NT5DC3: variants seen among roughly 807,000 people sequenced by gnomAD.
The protein encoded by NT5DC3 is 5'-nucleotidase domain containing 3.
In NT5DC3, 42 loss-of-function variants were observed where a neutral mutation model predicts 67.8. The observed-to-expected ratio is 0.62, with a 90% CI of 0.48 to 0.80. The LOEUF (loss-of-function observed/expected upper bound fraction) is 0.80. NT5DC3 is among the 30% of genes least tolerant of loss of function. The probability of loss-of-function intolerance (pLI) is 0.00; values close to 1 mark genes in which losing one functional copy is unlikely to be tolerated. For synonymous variants in NT5DC3, 237 were observed against 255.6 expected (o/e 0.93, Z 0.69); for missense variants, 570 against 696.4 (o/e 0.82, Z 2.04).
intron 1 of NT5DC3, among the ~76,000 whole-genome samples, chr12:103,827,053 G>T (rs1298092775): frequency 1.3e-5 from 2 of 152,126 alleles, no homozygotes; most frequent in Non-Finnish European, 2.9e-5. Flanking sequence ...AGACCAGCCT[G>T]GCCAACATGG....
intron 6 of NT5DC3, among the ~76,000 whole-genome samples, chr12:103,794,852 C>T (rs937578276): frequency 6.6e-6 from 1 of 152,136 alleles, no homozygotes; most frequent in African/African-American, 2.4e-5. Context: ...GTGGTTAAAC[C>T]CTTTGTGGGT....
At chr12:103,781,499 G>A (rs147932095) in intron 12 of NT5DC3, among the ~76,000 whole-genome samples, 242 of 152,306 alleles carry the variant, frequency 1.6e-3, no homozygotes, top group African/African-American at 5.7e-3. Flanking sequence ...GGGGCGCCCT[G>A]CTGGCTGCCC....
chr12:103,761,371 T>C, the NT5DC3 span: 1 of 1,613,870 alleles, frequency 6.2e-7, no homozygotes, highest in Non-Finnish European at 8.5e-7. Context: ...GGATCATTCA[T>C]GTCATTTCCA....
rs1439363781 is a variant in NT5DC3, at chr12:103,793,919, A to G, written c.814+18T>C. On this transcript the variant is annotated intron_variant, in intron 7 of 13. Transcript: ENST00000392876. ...CAGAAAGGCTGAAACTCTCTTCGTG[A>G]TACTGCTGAGCACATACCAATGTCT... is the stretch of plus-strand genomic sequence containing the variant. The G allele has an allele frequency of 1.8e-5, 29 of 1,594,988 alleles. No homozygotes were observed. The highest frequency in any genetic ancestry group is 2.3e-5 in the Non-Finnish European group (27 of 1,163,162).
chr12:103,763,915 AATTCTGCTGC>A, the NT5DC3 span: 2 of 234,674 alleles, frequency 8.5e-6, no homozygotes, highest in African/African-American at 4.5e-5. Flanking sequence ...TCTTGGGCTG[AATTCTGCTGC>A]AATCATTTAT....
At chr12:103,823,642 T>G (rs1887576799) in intron 1 of NT5DC3, among the ~76,000 whole-genome samples, 1 of 152,198 alleles carries the variant, frequency 6.6e-6, no homozygotes, top group African/African-American at 2.4e-5. Context: ...GATTTCATAT[T>G]TATTTAACAT....
In NT5DC3 at chr12:103,794,148, C is replaced by CTTTTTTTTTTTTTTTTTTTTTT. The variant is rs766607290; in HGVS notation, c.754-152_754-151insAAAAAAAAAAAAAAAAAAAAAA. 6.5e-6 allele frequency: 3 copies of CTTTTTTTTTTTTTTTTTTTTTT among 462,632 alleles called. 1 individual carries two copies. The highest frequency in any genetic ancestry group is 7.5e-6 in the Non-Finnish European group (2 of 265,706). The allele number at this position is 462,632 out of a possible 1,614,324, so 28.7% of individuals were successfully genotyped here. A position where few individuals can be genotyped will look rare whatever the true frequency, so the allele number is the denominator to read the frequency against. On this transcript the variant is annotated intron_variant, in intron 6 of 13. Transcript: ENST00000392876. ...AATCTAAATTCTGGTCCATTTTCTTCTTCTTTTTTTTTTTTTTTTGAGACA... is the reference window on the plus strand; with the variant it reads ...AATCTAAATTCTGGTCCATTTTCTTCTTTTTTTTTTTTTTTTTTTTTTTTCTTTTTTTTTTTTTTTTGAGACA...
downstream of NT5DC3, among the ~76,000 whole-genome samples, chr12:103,771,949 C>T (rs1341647019): frequency 6.6e-6 from 1 of 152,082 alleles, no homozygotes; most frequent in Non-Finnish European, 1.5e-5. Flanking sequence ...CAACACCCAC[C>T]ATCACAGGTA....
At chr12:103,750,609 T>C in the NT5DC3 span, 5 of 1,614,182 alleles carry the variant, frequency 3.1e-6, no homozygotes, top group Admixed American at 1.7e-5. Flanking sequence ...TAAAAGTCAC[T>C]ATGTCGGAGA....
chr12:103,832,168 C>T (rs894288908), intron 1 of NT5DC3, among the ~76,000 whole-genome samples: 4 of 151,696 alleles, frequency 2.6e-5, no homozygotes, highest in African/African-American at 7.3e-5. Context: ...TATTTTTTTT[C>T]AGCGTGTGGG....
chr12:103,817,048 AAAAG>A (rs1287255821), intron 1 of NT5DC3, among the ~76,000 whole-genome samples: 2 of 148,236 alleles, frequency 1.3e-5, no homozygotes, highest in South Asian at 2.1e-4. Context: ...AAAGAAAAAA[AAAAG>A]AAAGAAAGCT....
At chr12:103,755,098 A>G in the NT5DC3 span, 1 of 615,972 alleles carries the variant, frequency 1.6e-6, no homozygotes, top group Non-Finnish European at 2.8e-6. Context: ...CCTACAAGAA[A>G]GAGAGGACAC....
intron 1 of NT5DC3, among the ~76,000 whole-genome samples, chr12:103,815,944 C>CA (rs1179459558): frequency 2.0e-5 from 3 of 152,108 alleles, no homozygotes; most frequent in Non-Finnish European, 4.4e-5. Flanking sequence ...TACATCATCT[C>CA]ACCACCCAGA....
intron 1 of NT5DC3, among the ~76,000 whole-genome samples, chr12:103,840,513 C>T (rs1888368763): frequency 6.6e-6 from 1 of 151,088 alleles, no homozygotes; most frequent in Non-Finnish European, 1.5e-5. Context: ...GGCCACCTCC[C>T]CAGCAGCCCC....
chr12:103,777,776 C>G lies in NT5DC3; in HGVS notation c.*53G>C. On this transcript the variant is annotated 3_prime_UTR_variant, in exon 14 of 14. Coordinates refer to ENST00000392876, the MANE Select transcript of NT5DC3 (RefSeq NM_001031701.3). ...CACTCAGACCCACATGAAGTCAACC[C>G]CATCATGCCTGCCCAATCAGGGGCA... The G allele has an allele frequency of 6.5e-7, 1 of 1,549,240 alleles. No homozygotes were observed. The highest frequency in any genetic ancestry group is 1.4e-5 in the African/African-American group (1 of 72,622).
chr12:103,803,854 T>C (rs1368436806), intron 4 of NT5DC3, among the ~76,000 whole-genome samples: 2 of 92,824 alleles, frequency 2.2e-5, no homozygotes, highest in African/African-American at 8.1e-5. Flanking sequence ...GATTCATTCA[T>C]TACCACCCCC....
rs869237844 is a variant in NT5DC3, at chr12:103,801,372, C to CT, written c.525-2696dup. Among the ~76,000 whole-genome samples the CT allele has an allele frequency of 9.2e-3, 724 of 78,932 alleles. 68 individuals are homozygous for CT. Among genetic ancestry groups the CT allele is most frequent in the East Asian group, 0.011 (27 of 2,566 alleles). The allele number at this position is 78,932 out of a possible 152,430, so 51.8% of individuals were successfully genotyped here. ...TCCTAATGACTTGCTTTGGGGTGGG[C>CT]TTTTTTTTTTTTTTTTTTTTTTTTT... is the stretch of plus-strand genomic sequence containing the variant. On this transcript the variant is annotated intron_variant, in intron 4 of 13. Coordinates refer to ENST00000392876, the MANE Select transcript of NT5DC3 (RefSeq NM_001031701.3).
intron 2 of NT5DC3, among the ~76,000 whole-genome samples, chr12:103,811,470 C>T (rs944632231): frequency 5.9e-5 from 9 of 152,080 alleles, no homozygotes; most frequent in Non-Finnish European, 1.3e-4. Flanking sequence ...GGTCTTCCTC[C>T]CCCAAACCCA....
chr12:103,808,076 C>T (rs1397387029), intron 2 of NT5DC3, among the ~76,000 whole-genome samples: 1 of 152,218 alleles, frequency 6.6e-6, no homozygotes, highest in Non-Finnish European at 1.5e-5. Context: ...TCCTCCTTAT[C>T]TACTGCACCA....
Sources: gnomAD v4.1 joint callset for allele counts (sites outside exome capture counted in the v4.1 genomes callset) on GRCh38, gnomAD v4.1.1 for gene constraint, MANE v1.5 for transcripts, NCBI Gene and HGNC (gene_info 2026-07-23, HGNC 2026-07-21) for gene names.